The following KIRREL3 variants were observed in gnomAD, a reference collection of about 807,000 sequenced individuals.
The protein encoded by KIRREL3 is kin of IRRE-like protein 3.
A neutral mutation model predicts 89.7 loss-of-function variants in KIRREL3; 36 were observed. The observed-to-expected ratio is 0.40, with a 90% CI of 0.31 to 0.53. The LOEUF (loss-of-function observed/expected upper bound fraction) is 0.53, where lower values mean the gene tolerates loss of function less well. Among genes scored for constraint, KIRREL3 ranks in the 20% least tolerant of loss-of-function variants. The pLI is 0.49. For synonymous variants in KIRREL3, 445 were observed against 441.4 expected, an observed-to-expected ratio of 1.01 and a Z score of -0.10; for missense variants, 864 against 1,056.6, an observed-to-expected ratio of 0.82 and a Z score of 2.53.
At chr11:126,753,921 C>G (rs1006563384) in intron 1 of KIRREL3, among the ~76,000 whole-genome samples, 2 of 152,040 alleles carry the variant, frequency 1.3e-5, no homozygotes, top group Non-Finnish European at 2.9e-5. Flanking sequence ...TGTATGCTGC[C>G]CAAGAAGGGA....
chr11:126,758,784 G>A (rs979025836), intron 1 of KIRREL3, among the ~76,000 whole-genome samples: 2 of 152,102 alleles, frequency 1.3e-5, no homozygotes, highest in Admixed American at 6.6e-5. Flanking sequence ...TAGCTGTGGC[G>A]CTAGATGACA....
intron 1 of KIRREL3, among the ~76,000 whole-genome samples, chr11:126,632,609 C>A (rs1944077994): frequency 6.6e-6 from 1 of 151,390 alleles, no homozygotes; most frequent in East Asian, 1.9e-4. Flanking sequence ...TGCCTTCTTA[C>A]CTTCCCCTCT....
chr11:126,748,770 C>T lies in KIRREL3; in HGVS notation c.56-185858G>A, dbSNP rs1256259978. ...CTGTGATAAAAGCCTCTCTGCCCAC[C>T]GAAACTGTGCATGGGATCCTTTTGT... On this transcript the variant is annotated intron_variant, in intron 1 of 16. Transcript: ENST00000525144. The surrounding 1 kb of genome is among the most constrained non-coding windows in gnomAD (Gnocchi z 4.6). Among the ~76,000 whole-genome samples the T allele has an allele frequency of 1.3e-5, 2 of 152,138 alleles. No homozygotes were observed. The highest frequency in any genetic ancestry group is 2.4e-5 in the African/African-American group (1 of 41,426).
chr11:126,637,859 C>A (rs1944325745), intron 1 of KIRREL3, among the ~76,000 whole-genome samples: 1 of 152,200 alleles, frequency 6.6e-6, no homozygotes, highest in South Asian at 2.1e-4. Flanking sequence ...TAAGGACATA[C>A]ACATGATAGC....
intron 6 of KIRREL3, among the ~76,000 whole-genome samples, chr11:126,457,386 C>T (rs181694180): frequency 2.3e-4 from 31 of 137,582 alleles, no homozygotes; most frequent in Middle Eastern, 4.2e-3. Flanking sequence ...TGTGTGTATG[C>T]GTGTGTGTGT....
chr11:126,774,315 G>A (rs1055269808), intron 1 of KIRREL3, among the ~76,000 whole-genome samples: 2 of 152,096 alleles, frequency 1.3e-5, no homozygotes, highest in African/African-American at 2.4e-5. Flanking sequence ...AAAGAACTCC[G>A]AGTCCACTGT....
intron 1 of KIRREL3, among the ~76,000 whole-genome samples, chr11:126,675,481 A>G (rs1241642785): frequency 2.0e-5 from 3 of 152,224 alleles, no homozygotes; most frequent in African/African-American, 7.2e-5. Flanking sequence ...GGAGTTAGGT[A>G]GTAGGGAGTG....
intron 1 of KIRREL3, among the ~76,000 whole-genome samples, chr11:126,593,134 A>T (rs187820506): frequency 6.6e-6 from 1 of 152,274 alleles, no homozygotes; most frequent in East Asian, 1.9e-4. Context: ...GATGCTTACC[A>T]CGGAACCAGG....
intron 1 of KIRREL3, among the ~76,000 whole-genome samples, chr11:126,942,139 G>A (rs1410258548): frequency 1.3e-5 from 2 of 152,120 alleles, no homozygotes; most frequent in African/African-American, 2.4e-5. Flanking sequence ...TAGAGCGTAC[G>A]CCCATGAAGC....
chr11:126,450,938 T>C (rs200597094), intron 7 of KIRREL3, among the ~76,000 whole-genome samples: 1 of 150,406 alleles, frequency 6.6e-6, no homozygotes, highest in African/African-American at 2.5e-5. Context: ...TGCATGTGTG[T>C]GGGCGTGTGT....
At chr11:126,836,354 C>T (rs1012032453) in intron 1 of KIRREL3, among the ~76,000 whole-genome samples, 1 of 152,162 alleles carries the variant, frequency 6.6e-6, no homozygotes, top group Non-Finnish European at 1.5e-5. Context: ...TAAGGTTCCT[C>T]CCTGATATAA....
At position 126,748,630 on chromosome 11, in the gene KIRREL3, C is replaced by T. The variant is rs1046813397; in HGVS notation, c.56-185718G>A. Among the ~76,000 whole-genome samples the T allele has an allele frequency of 1.3e-5, 2 of 151,926 alleles. No homozygotes were observed. The highest frequency in any genetic ancestry group is 4.8e-5 in the African/African-American group (2 of 41,346). Reference sequence around the variant, plus strand: ...TGTGGCAGGAAAGAAGAGGCCTCTGCGGGAAGGGGGCAGGGGCAGGAAGGC... The same window carrying T: ...TGTGGCAGGAAAGAAGAGGCCTCTGTGGGAAGGGGGCAGGGGCAGGAAGGC... On this transcript the variant is annotated intron_variant, in intron 1 of 16. Coordinates refer to ENST00000525144, the MANE Select transcript of KIRREL3 (RefSeq NM_032531.4). This position sits in a 1 kb window ranked among gnomAD's most constrained non-coding sequence, Gnocchi z 4.6.
At chr11:126,986,425 T>C (rs1254219197) in intron 1 of KIRREL3, among the ~76,000 whole-genome samples, 2 of 152,334 alleles carry the variant, frequency 1.3e-5, no homozygotes, top group East Asian at 3.9e-4. Flanking sequence ...ATCTCTTCAC[T>C]GTACAAAACA....
chr11:126,900,010 C>A lies in KIRREL3; in HGVS notation c.55+100445G>T, dbSNP rs1330110537. On this transcript the variant is annotated intron_variant, in intron 1 of 16. Coordinates refer to ENST00000525144, the MANE Select transcript of KIRREL3 (RefSeq NM_032531.4). This position sits in a 1 kb window ranked among gnomAD's most constrained non-coding sequence, Gnocchi z 4.4. ...GCAAATTTGGGATGAGGGGAAGTAA[C>A]AAATAGTCATATTAATTGCATGGCA... Among the ~76,000 whole-genome samples the A allele has an allele frequency of 6.6e-6, 1 of 152,148 alleles. No individual in the cohort carries two copies. Among genetic ancestry groups the A allele is most frequent in the African/African-American group, 2.4e-5 (1 of 41,432 alleles).
chr11:126,719,363 C>T lies in KIRREL3; in HGVS notation c.56-156451G>A, dbSNP rs1265799874. Reference sequence around the variant, plus strand: ...TCTCTTACGGGTCTACTCTTACTCACAGCTACTCCTTCTCCATCTCCTTTG... The same window carrying T: ...TCTCTTACGGGTCTACTCTTACTCATAGCTACTCCTTCTCCATCTCCTTTG... On this transcript the variant is annotated intron_variant, in intron 1 of 16. Coordinates refer to ENST00000525144, the MANE Select transcript of KIRREL3 (RefSeq NM_032531.4). This position sits in a 1 kb window ranked among gnomAD's most constrained non-coding sequence, Gnocchi z 4.7. Among the ~76,000 whole-genome samples, 1 of 152,196 alleles carries T rather than the reference C, an allele frequency of 6.6e-6. No homozygotes were observed. Among genetic ancestry groups the T allele is most frequent in the East Asian group, 1.9e-4 (1 of 5,194 alleles).
At position 126,459,714 on chromosome 11, in the gene KIRREL3, C is replaced by G. The variant is rs1956483599; in HGVS notation, c.743-3260G>C. Among the ~76,000 whole-genome samples, 1 of 152,060 alleles carries G rather than the reference C, an allele frequency of 6.6e-6. No individual in the cohort carries two copies. Among genetic ancestry groups the G allele is most frequent in the East Asian group, 1.9e-4 (1 of 5,176 alleles). On this transcript the variant is annotated intron_variant, in intron 6 of 16. Transcript: ENST00000525144. The surrounding 1 kb of genome is among the most constrained non-coding windows in gnomAD (Gnocchi z 4.8). ...AGAGTCTGTTAGTGTTTCCATCCGC[C>G]CGTGTGTGCGTGTGTCCATGTGTGT...
At position 126,611,873 on chromosome 11, in the gene KIRREL3, C is replaced by T. The variant is rs1230699806; in HGVS notation, c.56-48961G>A. 2.6e-5 allele frequency among the ~76,000 whole-genome samples: 4 copies of T among 152,212 alleles called. No individual in the cohort carries two copies. Among genetic ancestry groups the T allele is most frequent in the African/African-American group, 9.7e-5 (4 of 41,450 alleles). ...GATTCTTAATCAACTGTAGGTGCTA[C>T]TGTCGCTCTAGGACCTGCCGATGCC... is the stretch of plus-strand genomic sequence containing the variant. On this transcript the variant is annotated intron_variant, in intron 1 of 16. Transcript: ENST00000525144. This position sits in a 1 kb window ranked among gnomAD's most constrained non-coding sequence, Gnocchi z 4.7.
In KIRREL3 at chr11:126,896,084, T is replaced by C. The variant is rs541924728; in HGVS notation, c.55+104371A>G. Among the ~76,000 whole-genome samples the C allele has an allele frequency of 1.3e-3, 192 of 152,360 alleles. No homozygotes were observed. Among genetic ancestry groups the C allele is most frequent in the Non-Finnish European group, 2.1e-3 (141 of 68,026 alleles). ...TCAGGGATTACATTTCTCTTACTTA[T>C]CTTGCAAGTAGTTTTTTCTATTCTT... On this transcript the variant is annotated intron_variant, in intron 1 of 16. Coordinates refer to ENST00000525144, the MANE Select transcript of KIRREL3 (RefSeq NM_032531.4). The surrounding 1 kb of genome is among the most constrained non-coding windows in gnomAD (Gnocchi z 4.1).
chr11:126,675,021 C>A (rs761288422), intron 1 of KIRREL3, among the ~76,000 whole-genome samples: 1 of 152,178 alleles, frequency 6.6e-6, no homozygotes, highest in Non-Finnish European at 1.5e-5. Flanking sequence ...CTCTACTGGG[C>A]CACATCCCAG....
Sources: gnomAD v4.1 joint callset for allele counts (sites outside exome capture counted in the v4.1 genomes callset) on GRCh38, gnomAD v4.1.1 for gene constraint, Gnocchi (gnomAD v3.1) non-coding constraint, MANE v1.5 for transcripts, NCBI Gene and HGNC (gene_info 2026-07-23, HGNC 2026-07-21) for gene names.